The following SEL1L2 variants were observed in gnomAD, a reference collection of about 807,000 sequenced individuals.
SEL1L2 encodes SEL1L2 adaptor subunit of SYVN1 ubiquitin ligase, also known as protein sel-1 homolog 2.
Under a neutral mutation model 98.8 loss-of-function variants are expected in SEL1L2, and 89 were observed. The observed-to-expected ratio is 0.90, with a 90% CI of 0.76 to 1.07. SEL1L2 has a LOEUF of 1.07. Ranked by LOEUF, SEL1L2 falls within the 50% of genes least tolerant of loss-of-function variation. The probability of loss-of-function intolerance (pLI) is 0.00; values close to 1 mark genes in which losing one functional copy is unlikely to be tolerated. For missense variants in SEL1L2, 788 were observed against 812.0 expected, an observed-to-expected ratio of 0.97 and a Z score of 0.36; for synonymous variants, 262 against 278.5, an observed-to-expected ratio of 0.94 and a Z score of 0.59.
chr20:13,923,718 C>T (rs1219184666), intron 3 of SEL1L2, among the ~76,000 whole-genome samples: 1 of 152,188 alleles, frequency 6.6e-6, no homozygotes, highest in African/African-American at 2.4e-5. Context: ...TGTGCCACTG[C>T]ACTCCAGCCT....
chr20:13,953,186 C>T (rs1233501736), intron 2 of SEL1L2, among the ~76,000 whole-genome samples: 1 of 152,134 alleles, frequency 6.6e-6, no homozygotes, highest in Non-Finnish European at 1.5e-5. Flanking sequence ...GGCTTTTGGC[C>T]TCCCTCTCCC....
At chr20:13,900,899 A>T (rs1382799216) in intron 5 of SEL1L2, among the ~76,000 whole-genome samples, 1 of 152,102 alleles carries the variant, frequency 6.6e-6, no homozygotes, top group Non-Finnish European at 1.5e-5. Flanking sequence ...TGTCCCCATT[A>T]TTGGGAGCAT....
At chr20:13,890,936 A>G (rs550460555) in intron 5 of SEL1L2, among the ~76,000 whole-genome samples, 38 of 152,284 alleles carry the variant, frequency 2.5e-4, no homozygotes, top group Non-Finnish European at 4.1e-4. Flanking sequence ...ACATGAACAT[A>G]GGTCATTTGA....
intron 3 of SEL1L2, among the ~76,000 whole-genome samples, chr20:13,926,072 G>A (rs1387470954): frequency 2.6e-5 from 4 of 152,158 alleles, no homozygotes; most frequent in Non-Finnish European, 2.9e-5. Flanking sequence ...TAATCCCAGC[G>A]CTTTGGGAGG....
intron 5 of SEL1L2, among the ~76,000 whole-genome samples, chr20:13,897,759 G>A (rs1057405156): frequency 1.3e-5 from 2 of 152,188 alleles, no homozygotes; most frequent in African/African-American, 4.8e-5. Context: ...CAGCTACTAG[G>A]GAGACTGAGG....
At chr20:13,963,921 G>C (rs2050902306) in intron 1 of SEL1L2, among the ~76,000 whole-genome samples, 1 of 151,988 alleles carries the variant, frequency 6.6e-6, no homozygotes, top group Admixed American at 6.6e-5. Flanking sequence ...ACCCAGGCTG[G>C]AGTGCAAAGG....
intron 19 of SEL1L2, chr20:13,849,875 A>G (rs943098421): frequency 5.5e-6 from 3 of 548,140 alleles, no homozygotes; most frequent in Non-Finnish European, 9.7e-6. Flanking sequence ...TCTGCCTACC[A>G]GTCTCGGCTA....
intron 1 of SEL1L2, among the ~76,000 whole-genome samples, chr20:13,984,824 A>G (rs1278796529): frequency 6.6e-6 from 1 of 151,938 alleles, no homozygotes; most frequent in African/African-American, 2.4e-5. Flanking sequence ...TTTAATTAAC[A>G]TATAATAATT....
intron 3 of SEL1L2, among the ~76,000 whole-genome samples, chr20:13,921,180 G>A (rs1198808125): frequency 6.6e-6 from 1 of 151,978 alleles, no homozygotes; most frequent in Non-Finnish European, 1.5e-5. Context: ...CAAATGTATT[G>A]GAATTCAATT....
intron 6 of SEL1L2, 39 bp from the exon 7 acceptor site, chr20:13,888,040 A>C: frequency 6.4e-7 from 1 of 1,573,090 alleles, no homozygotes; most frequent in South Asian, 1.1e-5. Flanking sequence ...CCCCCAAACC[A>C]GGTTGGCCAT....
chr20:13,896,136 C>T (rs1266095372), intron 5 of SEL1L2, among the ~76,000 whole-genome samples: 3 of 151,972 alleles, frequency 2.0e-5, no homozygotes, highest in South Asian at 2.1e-4. Flanking sequence ...GATCGTGCCA[C>T]GGCACTCTAG....
chr20:13,916,295 G>A (rs2048397303), intron 4 of SEL1L2, among the ~76,000 whole-genome samples: 1 of 152,178 alleles, frequency 6.6e-6, no homozygotes. Context: ...ATAGAGGAAT[G>A]AGCGGGAATG....
At chr20:13,891,816 G>T (rs2047217753) in intron 5 of SEL1L2, among the ~76,000 whole-genome samples, 1 of 152,040 alleles carries the variant, frequency 6.6e-6, no homozygotes, top group Non-Finnish European at 1.5e-5. Context: ...CTGCTTTGAA[G>T]GAATTGCTAA....
At chr20:13,971,139 A>T (rs2148508210) in intron 1 of SEL1L2, among the ~76,000 whole-genome samples, 1 of 152,028 alleles carries the variant, frequency 6.6e-6, no homozygotes, top group Non-Finnish European at 1.5e-5. Context: ...TTTTTAAAAA[A>T]AATCTTTAGG....
At chr20:13,991,914 A>C (rs2052548116), upstream of SEL1L2, among the ~76,000 whole-genome samples, 1 of 151,750 alleles carries the variant, frequency 6.6e-6, no homozygotes, top group South Asian at 2.1e-4. Context: ...AAGTGCTTGA[A>C]TCCTGGGGCC....
intron 2 of SEL1L2, among the ~76,000 whole-genome samples, chr20:13,945,313 T>C (rs1438799943): frequency 1.3e-5 from 2 of 152,190 alleles, no homozygotes; most frequent in Admixed American, 1.3e-4. Flanking sequence ...AGTGTGATAT[T>C]CTTACGTTTT....
At chr20:13,963,043 G>A (rs1443871636) in intron 1 of SEL1L2, among the ~76,000 whole-genome samples, 7 of 142,812 alleles carry the variant, frequency 4.9e-5, no homozygotes, top group African/African-American at 1.8e-4. Context: ...TCCAGCCTAG[G>A]CAGCAGAGCA....
intron 3 of SEL1L2, chr20:13,928,111 C>T (rs1296465503): frequency 1.3e-5 from 2 of 152,106 alleles, no homozygotes; most frequent in Non-Finnish European, 2.9e-5. Context: ...AGTTGGAATC[C>T]CCCAACTTTG....
intron 3 of SEL1L2, chr20:13,928,195 GTTC>G (rs1381261958): frequency 6.6e-6 from 1 of 152,198 alleles, no homozygotes; most frequent in Non-Finnish European, 1.5e-5. Flanking sequence ...TGTTTTCATA[GTTC>G]TTCTCCTGTT....
Sources: gnomAD v4.1 joint callset for allele counts (sites outside exome capture counted in the v4.1 genomes callset) on GRCh38, gnomAD v4.1.1 for gene constraint, MANE v1.5 for transcripts, NCBI Gene and HGNC (gene_info 2026-07-23, HGNC 2026-07-21) for gene names.